The following SLC6A20 variants were observed in gnomAD, a reference collection of about 807,000 sequenced individuals.
SLC6A20 encodes the protein solute carrier family 6 member 20, also known as sodium- and chloride-dependent transporter XTRP3.
Under a neutral mutation model 64.3 loss-of-function variants are expected in SLC6A20, and 73 were observed. The ratio of observed to expected loss-of-function variants is 1.14; its 90% CI spans 0.94 to 1.38. The LOEUF is 1.38. Ranked by LOEUF, SLC6A20 falls within the 40% of genes most tolerant of loss-of-function variation. The probability of loss-of-function intolerance (pLI) is 0.00; values close to 1 mark genes in which losing one functional copy is unlikely to be tolerated. For missense variants in SLC6A20, 725 were observed against 772.8 expected, an observed-to-expected ratio of 0.94 and a Z score of 0.73; for synonymous variants, 347 against 329.6, an observed-to-expected ratio of 1.05 and a Z score of -0.57.
At chr3:45,787,477 C>T (rs990328426) in intron 1 of SLC6A20, among the ~76,000 whole-genome samples, 15 of 152,134 alleles carry the variant, frequency 9.9e-5, no homozygotes, top group African/African-American at 3.6e-4. Context: ...TTGGTGTCTG[C>T]CTCTCTACTA....
intron 4 of SLC6A20, among the ~76,000 whole-genome samples, chr3:45,774,766 T>C (rs375474374): frequency 3.9e-5 from 6 of 152,210 alleles, no homozygotes; most frequent in African/African-American, 1.2e-4. Flanking sequence ...ACAGTTGGAA[T>C]TGATGACATC....
intron 1 of SLC6A20, among the ~76,000 whole-genome samples, chr3:45,787,976 C>T (rs767462929): frequency 6.6e-6 from 1 of 152,154 alleles, no homozygotes; most frequent in Admixed American, 6.5e-5. Context: ...GATAGGGTCT[C>T]GCTCTGTTGC....
intron 5 of SLC6A20, 92 bp downstream of exon 5, chr3:45,772,413 C>T (rs1020609363): frequency 5.9e-6 from 7 of 1,192,284 alleles, no homozygotes; most frequent in Admixed American, 2.5e-5. Flanking sequence ...ACAGCGTTGG[C>T]CCACTCTCCA....
intron 2 of SLC6A20, 103 bp from the exon 3 acceptor site, chr3:45,780,203 G>C (rs1700053840): frequency 1.9e-6 from 2 of 1,073,864 alleles, no homozygotes; most frequent in African/African-American, 3.2e-5. Context: ...ACCGCCCCGG[G>C]GTGGGCGAGG....
Position 45,773,234 on chromosome 3 carries a change from T to C in SLC6A20, c.583-619A>G, listed in dbSNP as rs568752643. Among the ~76,000 whole-genome samples the C allele has an allele frequency of 2.6e-4, 40 of 152,312 alleles. No homozygotes were observed. In the South Asian group the frequency reaches 7.3e-3, roughly 28 times the overall value. The stretch of plus-strand genomic sequence containing the variant: ...GCTCATACAGGAAAGCAGCGAGGTG[T>C]AGCGTAGAGGACAATGTCCCCATAA... On this transcript the variant is annotated intron_variant, in intron 4 of 10. Coordinates refer to ENST00000358525, the MANE Select transcript of SLC6A20 (RefSeq NM_020208.4).
rs143359149 is a variant in SLC6A20, at chr3:45,762,945, C to G, written c.1431G>C (p.Thr477=). The G allele has an allele frequency of 9.9e-6, 16 of 1,614,032 alleles. 1 individual carries two copies. In the South Asian group the frequency reaches 1.5e-4, roughly 16 times the overall value. The change falls in exon 9 of 11, where the codon ACG becomes ACC. Residue 477 remains threonine (T), a synonymous_variant. Coordinates refer to ENST00000358525, the MANE Select transcript of SLC6A20 (RefSeq NM_020208.4). ...LSLLLIVLVE[T]IAVCYVYGLR... is the part of the protein sequence containing the mutation. ...GCCCGTACACGTAGCACACGGCAAT[C>G]GTCTCCACCAGCACGATGAGCAGCA...
chr3:45,759,463 C>T lies in SLC6A20; in HGVS notation c.1630-336G>A, dbSNP rs185471928. ...ACTTTCAGGGAACCTAAACTGTAGG[C>T]GACTACTCTTAGCCTGGAATGGGAC... On this transcript the variant is annotated intron_variant, in intron 10 of 10. Coordinates refer to ENST00000358525, the MANE Select transcript of SLC6A20 (RefSeq NM_020208.4). Among the ~76,000 whole-genome samples, 7 of 152,344 alleles carry T rather than the reference C, an allele frequency of 4.6e-5. No individual in the cohort carries two copies. The East Asian group carries it at 9.6e-4, about 21-fold the overall frequency.
At position 45,771,259 on chromosome 3, in the gene SLC6A20, T is replaced by C. The variant is rs200456670; in HGVS notation, c.893A>G (p.Tyr298Cys). The C allele has an allele frequency of 8.7e-6, 14 of 1,613,860 alleles. No homozygotes were observed. Among genetic ancestry groups the C allele is most frequent in the African/African-American group, 1.3e-5 (1 of 74,918 alleles). ...ATAATTGAAGGTGGCCTTGAAGCCA[T>C]AGATGGAGAAGGTGACAATGCTGGC... ...IFASIVTFSI[Y>C]GFKATFNYEN... Residue 298 changes from tyrosine (Y) to cysteine (C), a missense_variant, in exon 6 of 11, where the codon TAT becomes TGT. Coordinates refer to ENST00000358525, the MANE Select transcript of SLC6A20 (RefSeq NM_020208.4).
rs61731475 is a variant in SLC6A20, at chr3:45,759,901, T to C, written c.1585A>G (p.Ile529Val). The C allele has an allele frequency of 7.9e-3, 12,743 of 1,614,118 alleles. 65 individuals carry two copies. The highest frequency in any genetic ancestry group is 8.9e-3 in the Middle Eastern group (54 of 6,062). ...SLFVFYLSDY[I>V]LTGTLKYQAW... ...TGATACTTCAGGGTCCCCGTGAGGATGTAGTCGCTCAGGTAGAAGACAAAG... is the reference window on the plus strand; with the variant it reads ...TGATACTTCAGGGTCCCCGTGAGGACGTAGTCGCTCAGGTAGAAGACAAAG... Residue 529 changes from isoleucine to valine, a missense_variant, in exon 10 of 11, where the codon ATC (isoleucine) becomes GTC (valine). By Grantham distance (29) the Ile-to-Val change is conservative (BLOSUM62 3). Coordinates refer to ENST00000358525, the MANE Select transcript of SLC6A20 (RefSeq NM_020208.4).
chr3:45,762,435 T>C (rs1343708507), intron 9 of SLC6A20, among the ~76,000 whole-genome samples: 1 of 152,218 alleles, frequency 6.6e-6, no homozygotes, highest in East Asian at 1.9e-4. Context: ...AGCTGCACAT[T>C]CCATCACCTG....
intron 1 of SLC6A20, among the ~76,000 whole-genome samples, chr3:45,785,791 G>A (rs1430928553): frequency 6.6e-6 from 1 of 152,176 alleles, no homozygotes; most frequent in Non-Finnish European, 1.5e-5. Context: ...TCCCCACACT[G>A]TGAGGCTGGG....
chr3:45,777,785 G>A lies in SLC6A20; in HGVS notation c.355-1797C>T, dbSNP rs568011544. Among the ~76,000 whole-genome samples the A allele has an allele frequency of 4.6e-5, 7 of 152,296 alleles. No individual in the cohort carries two copies. In the South Asian group the frequency reaches 1.2e-3, roughly 27 times the overall value. On this transcript the variant is annotated intron_variant, in intron 3 of 10. Transcript: ENST00000358525. ...CCCTTGGGCCATTTACAGCCTGTGT[G>A]GGACTGACCTGAGTCTGTTCCCTGG...
Position 45,757,008 on chromosome 3 carries a change from C to T in SLC6A20, c.*1970G>A, listed in dbSNP as rs758081970. 2.6e-5 allele frequency: 4 copies of T among 151,976 alleles called. No homozygotes were observed. The highest frequency in any genetic ancestry group is 9.7e-5 in the African/African-American group (4 of 41,358). 9.4% of individuals were successfully genotyped at this position (151,976 alleles called of 1,614,324 possible). On this transcript the variant is annotated 3_prime_UTR_variant, in exon 11 of 11. Coordinates refer to ENST00000358525, the MANE Select transcript of SLC6A20 (RefSeq NM_020208.4). ...CATGTGAGCAAAGGAATCTGTATCACGAATAAGTTCAAGGAAAGGTACTGT... is the reference window on the plus strand; with the variant it reads ...CATGTGAGCAAAGGAATCTGTATCATGAATAAGTTCAAGGAAAGGTACTGT...
intron 1 of SLC6A20, among the ~76,000 whole-genome samples, chr3:45,794,706 G>T (rs982905806): frequency 6.6e-6 from 1 of 152,174 alleles, no homozygotes; most frequent in African/African-American, 2.4e-5. Flanking sequence ...TGACAGTGAG[G>T]CTCACCTGGA....
At chr3:45,774,492 G>A in intron 4 of SLC6A20, among the ~76,000 whole-genome samples, 1 of 152,234 alleles carries the variant, frequency 6.6e-6, no homozygotes, top group East Asian at 1.9e-4. Flanking sequence ...CGGGGAAAGA[G>A]CACCTGTGCT....
At chr3:45,769,101 G>A (rs955717282) in intron 7 of SLC6A20, among the ~76,000 whole-genome samples, 7 of 152,036 alleles carry the variant, frequency 4.6e-5, no homozygotes, top group African/African-American at 1.7e-4. Context: ...GCTTTCTTTT[G>A]CAACAAAAAC....
At chr3:45,780,220 TC>T in intron 2 of SLC6A20, 120 bp from the exon 3 acceptor site, 1 of 800,790 alleles carries the variant, frequency 1.2e-6, no homozygotes, top group Non-Finnish European at 2.0e-6. Flanking sequence ...GAGGCCTCCC[TC>T]CACCAGGTTT....
At chr3:45,793,943 T>C (rs1700299780) in intron 1 of SLC6A20, among the ~76,000 whole-genome samples, 1 of 152,234 alleles carries the variant, frequency 6.6e-6, no homozygotes, top group South Asian at 2.1e-4. Context: ...TTCTGTGGCT[T>C]TTCCTAATAC....
rs942246035 is a variant in SLC6A20 at position 45,770,199 on chromosome 3, G to A, written c.1098+10C>T. 3.1e-6 allele frequency: 5 copies of A among 1,613,972 alleles called. No homozygotes were observed. In the African/African-American group the frequency reaches 6.7e-5, roughly 22 times the overall value. Reference sequence around the variant, plus strand: ...AGAAGCCAGTCCTTGACCTTGCCTGGGCATCTTACCGTGTCTAGCTCCGAT... The same window carrying A: ...AGAAGCCAGTCCTTGACCTTGCCTGAGCATCTTACCGTGTCTAGCTCCGAT... On this transcript the variant is annotated intron_variant, in intron 7 of 10. Coordinates refer to ENST00000358525, the MANE Select transcript of SLC6A20 (RefSeq NM_020208.4).
Sources: gnomAD v4.1 joint callset for allele counts (sites outside exome capture counted in the v4.1 genomes callset) on GRCh38, gnomAD v4.1.1 for gene constraint, MANE v1.5 for transcripts, NCBI Gene and HGNC (gene_info 2026-07-23, HGNC 2026-07-21) for gene names.